CSMD3: variants seen among roughly 807,000 people sequenced by gnomAD.
CSMD3 encodes the protein CUB and sushi domain-containing protein 3.
In CSMD3, 177 loss-of-function variants were observed where a neutral mutation model predicts 435.2. The observed-to-expected ratio is 0.41, with a 90% CI of 0.36 to 0.46. The LOEUF (loss-of-function observed/expected upper bound fraction) is 0.46. CSMD3 is among the 20% of genes least tolerant of loss of function. CSMD3 has a pLI of 0.34. For missense variants in CSMD3, 4,265 were observed against 4,504.6 expected, an observed-to-expected ratio of 0.95 and a Z score of 1.52; for synonymous variants, 1,656 against 1,520.5, an observed-to-expected ratio of 1.09 and a Z score of -2.07.
At position 112,287,211 on chromosome 8, in the gene CSMD3, G is replaced by A. The variant is rs373608234; in HGVS notation, c.9184C>T (p.Pro3062Ser). 6.2e-7 allele frequency: 1 copy of A among 1,613,630 alleles called. No individual in the cohort carries two copies. The highest frequency in any genetic ancestry group is 8.5e-7 in the Non-Finnish European group (1 of 1,179,762). The change falls in exon 58 of 71, where the codon CCC (proline) becomes TCC (serine). Residue 3062 changes from proline to serine, a missense_variant. Around this residue, in one of 3 missense-constraint regions of CSMD3, gnomAD observed 3,255 missense variants for 3,380.2 expected, o/e 0.96. Transcript: ENST00000297405. The part of the protein sequence containing the change: ...ATGTCGDPGT[P>S]GHGSRQESNF... The stretch of plus-strand genomic sequence containing the variant: ...CTTTCCTGTCTAGAGCCATGGCCGG[G>A]AGTACCTGGATCGCCACATGTCCCA...
chr8:113,312,079 T>A lies in CSMD3; in HGVS notation c.401+2492A>T, dbSNP rs888463136. ...TGCTAAGAAAAAATAGATTTTTATT[T>A]ATATATCAATACATAAACTTTGGAG... On this transcript the variant is annotated intron_variant, in intron 2 of 70. Coordinates refer to ENST00000297405, the MANE Select transcript of CSMD3 (RefSeq NM_198123.2). 3 of 152,090 alleles carry A rather than the reference T, an allele frequency of 2.0e-5. No individual in the cohort carries two copies. In the East Asian group the frequency reaches 5.8e-4, roughly 29 times the overall value. 9.4% of individuals were successfully genotyped at this position (152,090 alleles called of 1,614,324 possible). A position where few individuals can be genotyped will look rare whatever the true frequency, so the allele number is the denominator to read the frequency against.
At chr8:112,965,769 T>C (rs1459461469) in intron 7 of CSMD3, among the ~76,000 whole-genome samples, 4 of 151,928 alleles carry the variant, frequency 2.6e-5, no homozygotes, top group Non-Finnish European at 4.4e-5. Flanking sequence ...TTTTCTCTTC[T>C]TTCTTCTTAA....
chr8:112,444,835 C>T (rs1302539263), intron 32 of CSMD3, among the ~76,000 whole-genome samples: 2 of 152,148 alleles, frequency 1.3e-5, no homozygotes, highest in Non-Finnish European at 2.9e-5. Context: ...CTGAGCTGTA[C>T]ACTTAAGATC....
At chr8:113,249,230 T>C (rs2093311268) in intron 3 of CSMD3, among the ~76,000 whole-genome samples, 1 of 152,116 alleles carries the variant, frequency 6.6e-6, no homozygotes, top group African/African-American at 2.4e-5. Flanking sequence ...TGTGAGTCAA[T>C]TTTCTCTTTC....
rs1219947109 is a variant in CSMD3, at chr8:113,019,131, C to T, written c.966G>A (p.Trp322Ter). 6.2e-7 allele frequency: 1 copy of T among 1,613,684 alleles called. No homozygotes were observed. The part of the protein sequence containing the change: ...IPPPIISNKN[W>*]LRLHFVTDSN... ...TGTCTGTAACAAAATGCAGTCTGAGCCAGTTTTTGTTGCTGATAATTGGTG... is the reference window on the plus strand; with the variant it reads ...TGTCTGTAACAAAATGCAGTCTGAGTCAGTTTTTGTTGCTGATAATTGGTG... Residue 322 changes from tryptophan to a stop codon, truncating the protein, a stop_gained, in exon 6 of 71, where the codon TGG becomes TGA. Coordinates refer to ENST00000297405, the MANE Select transcript of CSMD3 (RefSeq NM_198123.2). LOFTEE classifies it high-confidence loss of function.
chr8:113,128,727 A>G (rs1252919235), intron 4 of CSMD3, among the ~76,000 whole-genome samples: 1 of 152,074 alleles, frequency 6.6e-6, no homozygotes, highest in Non-Finnish European at 1.5e-5. Context: ...ACCAGTTCCA[A>G]TAACTGCTTA....
intron 5 of CSMD3, among the ~76,000 whole-genome samples, chr8:113,019,889 C>T (rs1445723335): frequency 4.6e-5 from 7 of 152,100 alleles, no homozygotes; most frequent in Non-Finnish European, 8.8e-5. Context: ...TCTGGCCGGG[C>T]GCGGTGGCTC....
intron 22 of CSMD3, among the ~76,000 whole-genome samples, chr8:112,603,439 C>G (rs1772570871): frequency 6.6e-6 from 1 of 152,120 alleles, no homozygotes. Context: ...ACCATAATAG[C>G]AAAAAGAAGT....
chr8:113,123,584 T>A (rs558447687), intron 4 of CSMD3, among the ~76,000 whole-genome samples: 1 of 152,194 alleles, frequency 6.6e-6, no homozygotes, highest in African/African-American at 2.4e-5. Flanking sequence ...GTTTTAGGCA[T>A]AGGATCAAAA....
At chr8:112,401,300 CACTT>C (rs143640623) in intron 35 of CSMD3, among the ~76,000 whole-genome samples, 28,495 of 151,938 alleles carry the variant, frequency 0.19, 3,192 homozygotes, top group Middle Eastern at 0.36. Flanking sequence ...TTTCTTCACT[CACTT>C]CTCTTCGCTT....
At position 112,696,724 on chromosome 8, in the gene CSMD3, T is replaced by C. The variant is rs547185474; in HGVS notation, c.1973-6674A>G. ...GGCAACAAAAGCCAAAATTGACAAA[T>C]GGGATCTAATTAAACTAAAGAGCTT... On this transcript the variant is annotated intron_variant, in intron 13 of 70. Coordinates refer to ENST00000297405, the MANE Select transcript of CSMD3 (RefSeq NM_198123.2). Among the ~76,000 whole-genome samples, 753 of 151,804 alleles carry C rather than the reference T, an allele frequency of 5.0e-3. 4 individuals carry two copies. Among genetic ancestry groups the C allele is most frequent in the African/African-American group, 0.016 (676 of 41,410 alleles).
At chr8:112,887,902 G>A (rs1188848225) in intron 10 of CSMD3, among the ~76,000 whole-genome samples, 1 of 151,730 alleles carries the variant, frequency 6.6e-6, no homozygotes, top group African/African-American at 2.4e-5. Flanking sequence ...ATTAGTCAGT[G>A]AAAAATGTTT....
chr8:112,743,252 C>A (rs1197982258), intron 13 of CSMD3, among the ~76,000 whole-genome samples: 1 of 150,454 alleles, frequency 6.6e-6, no homozygotes. Flanking sequence ...ATAATTTCCT[C>A]ATATTATAAA....
intron 22 of CSMD3, among the ~76,000 whole-genome samples, chr8:112,588,231 T>C (rs1830894284): frequency 6.6e-6 from 1 of 151,682 alleles, no homozygotes; most frequent in Admixed American, 6.6e-5. Context: ...AATAATGATT[T>C]ATGGGAACAG....
At chr8:112,984,763 C>T (rs1046855195) in intron 6 of CSMD3, among the ~76,000 whole-genome samples, 3 of 152,032 alleles carry the variant, frequency 2.0e-5, no homozygotes, top group African/African-American at 7.2e-5. Context: ...AAAACAAACC[C>T]TATCTTGTAT....
At chr8:113,241,259 G>C (rs770900333) in intron 3 of CSMD3, among the ~76,000 whole-genome samples, 11 of 152,054 alleles carry the variant, frequency 7.2e-5, no homozygotes, top group Non-Finnish European at 1.6e-4. Flanking sequence ...AATATGAATA[G>C]AGAAAATAAA....
At chr8:112,633,881 A>G (rs2074583446) in intron 22 of CSMD3, among the ~76,000 whole-genome samples, 1 of 152,072 alleles carries the variant, frequency 6.6e-6, no homozygotes, top group African/African-American at 2.4e-5. Flanking sequence ...TATAAAATTT[A>G]AAACCTCATC....
intron 38 of CSMD3, among the ~76,000 whole-genome samples, chr8:112,370,681 A>G (rs1475301602): frequency 6.6e-6 from 1 of 152,050 alleles, no homozygotes; most frequent in East Asian, 1.9e-4. Context: ...GACCACCATA[A>G]CATCCTTCTT....
chr8:113,205,699 A>T (rs538152262), intron 3 of CSMD3, among the ~76,000 whole-genome samples: 1 of 152,312 alleles, frequency 6.6e-6, no homozygotes, highest in East Asian at 1.9e-4. Context: ...TAATCAAAAT[A>T]GACAGAAAAA....
Sources: allele counts gnomAD v4.1 joint callset (sites outside exome capture counted in the v4.1 genomes callset), GRCh38; gene constraint gnomAD v4.1.1; regional missense constraint gnomAD v4.1.1; transcripts MANE v1.5; gene names NCBI Gene and HGNC (gene_info 2026-07-23, HGNC 2026-07-21).